ADAMTS12: variants seen among roughly 807,000 people sequenced by gnomAD.
The protein encoded by ADAMTS12 is ADAM metallopeptidase with thrombospondin type 1 motif 12.
ADAMTS12 carries 118 observed loss-of-function variants against 167.8 expected under a neutral mutation model. The observed-to-expected ratio is 0.70, with a 90% confidence interval of 0.61 to 0.82. The LOEUF (loss-of-function observed/expected upper bound fraction) is 0.82, where lower values mean the gene tolerates loss of function less well. Among genes scored for constraint, ADAMTS12 ranks in the 40% least tolerant of loss-of-function variants. The probability of loss-of-function intolerance (pLI) is 0.00; values close to 1 mark genes in which losing one functional copy is unlikely to be tolerated. For missense variants in ADAMTS12, 1,916 were observed against 1,998.8 expected (o/e 0.96, Z 0.79); for synonymous variants, 704 against 716.9 (o/e 0.98, Z 0.29).
At chr5:33,560,088 T>C (rs1193110918) in intron 20 of ADAMTS12, among the ~76,000 whole-genome samples, 2 of 152,186 alleles carry the variant, frequency 1.3e-5, no homozygotes, top group Non-Finnish European at 2.9e-5. Flanking sequence ...TGAAGTAATA[T>C]AGAAATAGCA....
At chr5:33,732,630 A>G (rs896944401) in intron 3 of ADAMTS12, among the ~76,000 whole-genome samples, 6 of 152,216 alleles carry the variant, frequency 3.9e-5, no homozygotes, top group African/African-American at 1.4e-4. Context: ...GATTTAAAAA[A>G]TACTTTGTCC....
chr5:33,675,466 G>C (rs1330511792), intron 5 of ADAMTS12, among the ~76,000 whole-genome samples: 1 of 152,194 alleles, frequency 6.6e-6, no homozygotes, highest in Non-Finnish European at 1.5e-5. Flanking sequence ...AATAACCTGA[G>C]AGATAGTCAT....
At chr5:33,570,913 A>C (rs1366752215) in intron 19 of ADAMTS12, among the ~76,000 whole-genome samples, 13 of 151,602 alleles carry the variant, frequency 8.6e-5, no homozygotes, top group South Asian at 6.3e-4. Context: ...TCTACCAAGC[A>C]AATGGAAAAC....
intron 2 of ADAMTS12, among the ~76,000 whole-genome samples, chr5:33,799,594 T>G (rs2032878): frequency 0.1 from 15,596 of 152,304 alleles, 1,133 homozygotes; most frequent in East Asian, 0.34. Flanking sequence ...AAATGGGCAT[T>G]ATACCCATTG....
rs557615482 is a variant in ADAMTS12 at position 33,657,098 on chromosome 5, C to G, written c.1190+1086G>C. Among the ~76,000 whole-genome samples the G allele has an allele frequency of 4.1e-4, 62 of 152,268 alleles. 1 individual carries two copies. The highest frequency in any genetic ancestry group is 3.8e-3 in the Admixed American group (58 of 15,282). ...AATTATCTAAGGTCATAATATTGGTCAGTAGAAAAGTCAGAACAACAATTC... is the reference window on the plus strand; with the variant it reads ...AATTATCTAAGGTCATAATATTGGTGAGTAGAAAAGTCAGAACAACAATTC... On this transcript the variant is annotated intron_variant, in intron 7 of 23. Coordinates refer to ENST00000504830, the MANE Select transcript of ADAMTS12 (RefSeq NM_030955.4).
At chr5:33,777,198 C>A (rs1040402068) in intron 2 of ADAMTS12, among the ~76,000 whole-genome samples, 2 of 152,010 alleles carry the variant, frequency 1.3e-5, no homozygotes, top group Admixed American at 6.6e-5. Flanking sequence ...ACCCTGATAC[C>A]AAAGCCAGAC....
chr5:33,771,694 G>C (rs1289159463), intron 2 of ADAMTS12, among the ~76,000 whole-genome samples: 2 of 151,856 alleles, frequency 1.3e-5, no homozygotes, highest in African/African-American at 4.8e-5. Flanking sequence ...ACATAGAAAT[G>C]GTTAAGATGG....
In ADAMTS12 at chr5:33,620,996, G is replaced by T. The variant is rs74474776; in HGVS notation, c.2143+3235C>A. The stretch of plus-strand genomic sequence containing the variant: ...ATCTTCGCCAGTGGAAGCATTAGCT[G>T]CTTGCACCAGTATAAGGGGAAGAGG... On this transcript the variant is annotated intron_variant, in intron 14 of 23. Transcript: ENST00000504830. Among the ~76,000 whole-genome samples, 3 of 152,308 alleles carry T rather than the reference G, an allele frequency of 2.0e-5. No individual in the cohort carries two copies. In the East Asian group the frequency reaches 5.8e-4, roughly 29 times the overall value.
At chr5:33,565,154 T>G (rs1745949078) in intron 19 of ADAMTS12, among the ~76,000 whole-genome samples, 1 of 152,008 alleles carries the variant, frequency 6.6e-6, no homozygotes, top group Non-Finnish European at 1.5e-5. Context: ...CAGTTATTTA[T>G]TATTATTATA....
intron 3 of ADAMTS12, among the ~76,000 whole-genome samples, chr5:33,708,215 T>A (rs60662238): frequency 0.61 from 93,402 of 152,098 alleles, 29,853 homozygotes; most frequent in Non-Finnish European, 0.69. Context: ...ATCACTGGTC[T>A]TTAGAGAAAT....
At chr5:33,863,098 C>T (rs886922424) in intron 2 of ADAMTS12, among the ~76,000 whole-genome samples, 4 of 152,144 alleles carry the variant, frequency 2.6e-5, no homozygotes, top group African/African-American at 9.7e-5. Context: ...ACTGAATGGG[C>T]AAAAGCTGGA....
rs186191403 is a variant in ADAMTS12, at chr5:33,667,178, C to T, written c.916-5138G>A. 2.0e-3 allele frequency among the ~76,000 whole-genome samples: 298 copies of T among 151,962 alleles called. 4 individuals carry two copies. The highest frequency in any genetic ancestry group is 3.9e-4 in the East Asian group (2 of 5,150). Reference sequence around the variant, plus strand: ...ACTAAAAATACAAAAATTAGCTGGGCGTGGTGGTGCATACTTGTAATCCCA... The same window carrying T: ...ACTAAAAATACAAAAATTAGCTGGGTGTGGTGGTGCATACTTGTAATCCCA... On this transcript the variant is annotated intron_variant, in intron 5 of 23. Transcript: ENST00000504830.
intron 23 of ADAMTS12, among the ~76,000 whole-genome samples, chr5:33,531,507 C>T (rs1430054903): frequency 6.6e-6 from 1 of 152,182 alleles, no homozygotes; most frequent in East Asian, 1.9e-4. Context: ...TCCAGAGAAG[C>T]TTAGCAATTG....
chr5:33,709,024 T>C (rs1281187760), intron 3 of ADAMTS12, among the ~76,000 whole-genome samples: 1 of 151,690 alleles, frequency 6.6e-6, no homozygotes, highest in Non-Finnish European at 1.5e-5. Flanking sequence ...TGCTTCACCA[T>C]ATTAAGAAGA....
intron 1 of ADAMTS12, among the ~76,000 whole-genome samples, chr5:33,887,470 G>T (rs1750675382): frequency 6.6e-6 from 1 of 152,130 alleles, no homozygotes; most frequent in African/African-American, 2.4e-5. Context: ...GGTTGGGAGG[G>T]CCAGAGGCTG....
At chr5:33,762,444 G>T (rs911899457) in intron 2 of ADAMTS12, among the ~76,000 whole-genome samples, 10 of 151,866 alleles carry the variant, frequency 6.6e-5, no homozygotes, top group East Asian at 5.8e-4. Context: ...GGAGGCGGGG[G>T]TTGCAGTGAG....
At chr5:33,824,547 T>A (rs916390927) in intron 2 of ADAMTS12, among the ~76,000 whole-genome samples, 1 of 152,080 alleles carries the variant, frequency 6.6e-6, no homozygotes, top group Non-Finnish European at 1.5e-5. Flanking sequence ...ATTCCTCCAC[T>A]CTAAGTCACT....
chr5:33,869,576 C>G (rs922610970), intron 2 of ADAMTS12, among the ~76,000 whole-genome samples: 3 of 152,036 alleles, frequency 2.0e-5, no homozygotes, highest in Non-Finnish European at 4.4e-5. Flanking sequence ...CTGTGATGCC[C>G]CCTGAGCCGC....
rs138476248 is a variant in ADAMTS12, at chr5:33,654,609, C to T, written c.1190+3575G>A. Reference sequence around the variant, plus strand: ...GGGCTAGGGGAGCCCTCATTACTGGCCTGTAGGGATCAAAGTCTTAGTCCC... The same window carrying T: ...GGGCTAGGGGAGCCCTCATTACTGGTCTGTAGGGATCAAAGTCTTAGTCCC... On this transcript the variant is annotated intron_variant, in intron 7 of 23. Coordinates refer to ENST00000504830, the MANE Select transcript of ADAMTS12 (RefSeq NM_030955.4). 3.7e-4 allele frequency among the ~76,000 whole-genome samples: 57 copies of T among 152,302 alleles called. No homozygotes were observed. The East Asian group carries it at 0.01, about 27-fold the overall frequency.
Sources: allele counts gnomAD v4.1 joint callset (sites outside exome capture counted in the v4.1 genomes callset), GRCh38; gene constraint gnomAD v4.1.1; transcripts MANE v1.5; gene names NCBI Gene and HGNC (gene_info 2026-07-23, HGNC 2026-07-21).